The following TRMT11 variants were observed in gnomAD, a reference collection of about 807,000 sequenced individuals.
The protein encoded by TRMT11 is tRNA methyltransferase 11, also known as tRNA (guanine(10)-N(2))-methyltransferase TRMT11.
TRMT11 carries 53 observed loss-of-function variants against 62.8 expected under a neutral mutation model. The observed-to-expected ratio is 0.84, with a 90% confidence interval of 0.68 to 1.06. The LOEUF (loss-of-function observed/expected upper bound fraction) is 1.06, where lower values mean the gene tolerates loss of function less well. Among genes scored for constraint, TRMT11 ranks in the 50% least tolerant of loss-of-function variants. TRMT11 has a pLI of 0.00. For missense variants in TRMT11, 556 were observed against 553.4 expected (o/e 1.00, Z -0.05); for synonymous variants, 188 against 190.3 (o/e 0.99, Z 0.10).
chr6:125,996,623 A>G (rs903758159), intron 3 of TRMT11, among the ~76,000 whole-genome samples: 5 of 151,736 alleles, frequency 3.3e-5, no homozygotes, highest in Non-Finnish European at 7.4e-5. Flanking sequence ...CTGTTGGAAA[A>G]TTTTCTGTCA....
chr6:126,015,201 C>T (rs1794811152), intron 11 of TRMT11, among the ~76,000 whole-genome samples: 1 of 152,040 alleles, frequency 6.6e-6, no homozygotes, highest in African/African-American at 2.4e-5. Context: ...TATCTACCTC[C>T]CCCCGACTCC....
At chr6:126,267,371 C>A in the TRMT11 span, among the ~76,000 whole-genome samples, 2 of 152,106 alleles carry the variant, frequency 1.3e-5, no homozygotes, top group Admixed American at 1.3e-4. Context: ...TTTACTACTG[C>A]CTGTAATTTT....
intron 1 of TRMT11, among the ~76,000 whole-genome samples, chr6:126,185,162 A>C (rs1029827203): frequency 6.6e-6 from 1 of 152,130 alleles, no homozygotes; most frequent in Non-Finnish European, 1.5e-5. Context: ...TCCCCTGGAA[A>C]TAAGTCACAT....
chr6:126,060,838 C>T (rs1288840980), intron 17 of TRMT11, among the ~76,000 whole-genome samples: 1 of 152,224 alleles, frequency 6.6e-6, no homozygotes, highest in African/African-American at 2.4e-5. Context: ...GAGAACACAA[C>T]ATAGACTACT....
At chr6:126,011,610 T>C (rs1266374989) in intron 9 of TRMT11, among the ~76,000 whole-genome samples, 193 bp downstream of exon 9, 3 of 152,148 alleles carry the variant, frequency 2.0e-5, no homozygotes, top group Non-Finnish European at 4.4e-5. Flanking sequence ...GCTTACTGTT[T>C]TGTTTTTTTA....
chr6:126,093,631 A>ATATATATATATTTTTTTT (rs1554236842), intron 17 of TRMT11, among the ~76,000 whole-genome samples: 9 of 98,014 alleles, frequency 9.2e-5, no homozygotes, highest in African/African-American at 3.5e-4. Flanking sequence ...ATATATATAT[A>ATATATATATATTTTTTTT]TTTTCCCCCA....
At chr6:126,258,024 T>G in the TRMT11 span, 3 of 1,481,132 alleles carry the variant, frequency 2.0e-6, no homozygotes, top group Non-Finnish European at 1.9e-6. Context: ...CAGCAGCTCC[T>G]CGACCCTGGC....
At chr6:126,004,552 T>C (rs1793051482) in intron 7 of TRMT11, among the ~76,000 whole-genome samples, 1 of 152,086 alleles carries the variant, frequency 6.6e-6, no homozygotes, top group Non-Finnish European at 1.5e-5. Context: ...TTGGGCCTTT[T>C]GCCTCATCGA....
intron 21 of TRMT11, among the ~76,000 whole-genome samples, chr6:126,120,901 C>T (rs181090906): frequency 1.3e-5 from 2 of 152,236 alleles, no homozygotes; most frequent in East Asian, 3.9e-4. Flanking sequence ...GTTTGGTTTG[C>T]TTCCCATGTT....
chr6:126,251,668 C>T, the TRMT11 span, among the ~76,000 whole-genome samples: 1 of 152,188 alleles, frequency 6.6e-6, no homozygotes, highest in East Asian at 1.9e-4. Flanking sequence ...TTCTCCTCTG[C>T]TTCTATGAGT....
chr6:126,192,926 G>A (rs1778619802), intron 1 of TRMT11, among the ~76,000 whole-genome samples: 1 of 152,120 alleles, frequency 6.6e-6, no homozygotes. Flanking sequence ...TTTTTGTGTA[G>A]CATAATGCAT....
At chr6:126,026,450 A>G (rs746731938) in intron 12 of TRMT11, among the ~76,000 whole-genome samples, 9 of 151,598 alleles carry the variant, frequency 5.9e-5, no homozygotes, top group Non-Finnish European at 1.0e-4. Flanking sequence ...CAGTGGCGTG[A>G]TCTTGACTCA....
chr6:126,068,523 C>T (rs1446827123), intron 17 of TRMT11, among the ~76,000 whole-genome samples: 1 of 152,134 alleles, frequency 6.6e-6, no homozygotes, highest in African/African-American at 2.4e-5. Context: ...GCAGTGCCAT[C>T]TTTGGCATAA....
intron 8 of TRMT11, among the ~76,000 whole-genome samples, chr6:126,009,019 C>G (rs1217181794): frequency 1.3e-5 from 2 of 151,868 alleles, no homozygotes; most frequent in Non-Finnish European, 1.5e-5. Context: ...AAGTCCTGCT[C>G]TCAGAGGGCT....
chr6:125,997,478 T>C (rs796339289), intron 3 of TRMT11, among the ~76,000 whole-genome samples: 3 of 152,370 alleles, frequency 2.0e-5, no homozygotes, highest in African/African-American at 7.2e-5. Flanking sequence ...TTGGGTAAGT[T>C]AGTTACTAAA....
the TRMT11 span, among the ~76,000 whole-genome samples, chr6:126,271,103 C>T: frequency 6.6e-6 from 1 of 152,014 alleles, no homozygotes; most frequent in African/African-American, 2.4e-5. Flanking sequence ...GTGGCTTACA[C>T]CTGTAATTGA....
At chr6:126,224,747 T>A in the TRMT11 span, among the ~76,000 whole-genome samples, 1 of 152,248 alleles carries the variant, frequency 6.6e-6, no homozygotes, top group South Asian at 2.1e-4. Context: ...GAATGACAGG[T>A]TACATGCACT....
intron 17 of TRMT11, among the ~76,000 whole-genome samples, chr6:126,092,074 A>C (rs948030959): frequency 1.3e-5 from 2 of 152,238 alleles, no homozygotes; most frequent in African/African-American, 4.8e-5. Context: ...CGAGAAATAT[A>C]AAACGGCCAG....
At chr6:126,028,716 A>G (rs1005171841) in intron 12 of TRMT11, among the ~76,000 whole-genome samples, 10 of 152,214 alleles carry the variant, frequency 6.6e-5, no homozygotes, top group African/African-American at 2.4e-4. Context: ...TGCTATCATA[A>G]TAGTTTTAAA....
Sources: gnomAD v4.1 joint callset for allele counts (sites outside exome capture counted in the v4.1 genomes callset) on GRCh38, gnomAD v4.1.1 for gene constraint, MANE v1.5 for transcripts, NCBI Gene and HGNC (gene_info 2026-07-23, HGNC 2026-07-21) for gene names.